The following TSR1 variants were observed in gnomAD, a reference collection of about 807,000 sequenced individuals.
TSR1 encodes pre-rRNA-processing protein TSR1 homolog.
TSR1 carries 81 observed loss-of-function variants against 90.9 expected under a neutral mutation model. The observed-to-expected ratio is 0.89, with a 90% confidence interval of 0.74 to 1.07. TSR1 has a LOEUF of 1.07. TSR1 is among the 50% of genes least tolerant of loss of function. The pLI is 0.00. For missense variants in TSR1, 989 were observed against 987.3 expected (o/e 1.00, Z -0.02); for synonymous variants, 362 against 348.8 (o/e 1.04, Z -0.42).
At position 2,323,493 on chromosome 17, in the gene TSR1, C is replaced by T; in HGVS notation, c.*703G>A. 8.7e-7 allele frequency: 1 copy of T among 1,146,546 alleles called. No individual in the cohort carries two copies. The highest frequency in any genetic ancestry group is 1.2e-6 in the Non-Finnish European group (1 of 803,118). The allele number at this position is 1,146,546 out of a possible 1,614,324, so 71.0% of individuals were successfully genotyped here. On this transcript the variant is annotated 3_prime_UTR_variant, in exon 15 of 15. Transcript: ENST00000301364. Reference sequence around the variant, plus strand: ...GGTACCCTAGATGTATTAATGACAACCCTCTTGACAGAAGCAGAGTCAGAA... The same window carrying T: ...GGTACCCTAGATGTATTAATGACAATCCTCTTGACAGAAGCAGAGTCAGAA...
intron 4 of TSR1, 123 bp downstream of exon 4, chr17:2,335,137 T>G: frequency 8.5e-7 from 1 of 1,171,708 alleles, no homozygotes; most frequent in Non-Finnish European, 1.2e-6. Context: ...ATGGATCAAG[T>G]TTAATCCATA....
rs775481749 is a variant in TSR1 at position 2,324,165 on chromosome 17, G to A, written c.*31C>T. On this transcript the variant is annotated 3_prime_UTR_variant, in exon 15 of 15. Transcript: ENST00000301364. ...CCTCCCATCCCTGGAGTACTGACTG[G>A]CACCGGTAAGACAGAATCTCTTTGA... The A allele has an allele frequency of 2.0e-6, 3 of 1,510,914 alleles. No individual in the cohort carries two copies. The highest frequency in any genetic ancestry group is 2.8e-5 in the African/African-American group (2 of 71,570). 93.6% of individuals were successfully genotyped at this position (1,510,914 alleles called of 1,614,324 possible). A position where few individuals can be genotyped will look rare whatever the true frequency, so the allele number is the denominator to read the frequency against.
intron 4 of TSR1, 68 bp downstream of exon 4, chr17:2,335,192 T>A (rs1459109575): frequency 2.0e-6 from 3 of 1,497,832 alleles, no homozygotes; most frequent in Non-Finnish European, 2.7e-6. Flanking sequence ...TCAGTTGTAT[T>A]CCTGTATCAA....
intron 11 of TSR1, among the ~76,000 whole-genome samples, chr17:2,328,072 G>A (rs559579959): frequency 4.6e-5 from 7 of 151,152 alleles, no homozygotes; most frequent in Non-Finnish European, 1.0e-4. Flanking sequence ...GTGAAACCCC[G>A]TCTCTACTAA....
At position 2,324,165 on chromosome 17, in the gene TSR1, G is replaced by C; in HGVS notation, c.*31C>G. 1 of 1,511,032 alleles carries C rather than the reference G, an allele frequency of 6.6e-7. No individual in the cohort carries two copies. The allele number at this position is 1,511,032 out of a possible 1,614,324, so 93.6% of individuals were successfully genotyped here. ...CCTCCCATCCCTGGAGTACTGACTG[G>C]CACCGGTAAGACAGAATCTCTTTGA... On this transcript the variant is annotated 3_prime_UTR_variant, in exon 15 of 15. Transcript: ENST00000301364.
rs746688280 is a variant in TSR1, at chr17:2,324,570, G to A, written c.2170C>T (p.Leu724=). Residue 724 remains leucine, a synonymous_variant, in exon 14 of 15, where the codon CTG becomes TTG. Transcript: ENST00000301364. The part of the protein sequence containing the change: ...RYMFFNREDV[L]WFKPVELRTK... ...CTCAGTTCCACTGGTTTAAACCACA[G>A]CACATCCTCTTAGAATCAAACACAT... 4 of 1,614,096 alleles carry A rather than the reference G, an allele frequency of 2.5e-6. No individual in the cohort carries two copies. The highest frequency in any genetic ancestry group is 1.1e-5 in the South Asian group (1 of 91,080).
At chr17:2,332,431 G>C in intron 7 of TSR1, 72 bp from the exon 8 acceptor site, 1 of 1,316,234 alleles carries the variant, frequency 7.6e-7, no homozygotes, top group Non-Finnish European at 1.0e-6. Flanking sequence ...AATAAGCTAA[G>C]AGTAAAATAA....
At chr17:2,332,035 A>G (rs1042507645) in intron 8 of TSR1, 134 bp downstream of exon 8, 1 of 924,478 alleles carries the variant, frequency 1.1e-6, no homozygotes, top group Non-Finnish European at 1.6e-6. Flanking sequence ...CTGCCTTCCC[A>G]TATTAAATGT....
chr17:2,323,324 T>C lies in TSR1; in HGVS notation c.*872A>G. The C allele has an allele frequency of 6.2e-7, 1 of 1,614,030 alleles. No individual in the cohort carries two copies. The highest frequency in any genetic ancestry group is 8.5e-7 in the Non-Finnish European group (1 of 1,179,906). ...GGGACCTTGTGGATGATATCTTCAC[T>C]GTCACAGAGGATGAAATTAAGGTGA... On this transcript the variant is annotated 3_prime_UTR_variant, in exon 15 of 15. Transcript: ENST00000301364.
chr17:2,326,203 C>G (rs548331162), intron 11 of TSR1, among the ~76,000 whole-genome samples: 4 of 151,974 alleles, frequency 2.6e-5, no homozygotes, highest in African/African-American at 9.7e-5. Context: ...TATTTTAAGG[C>G]AAAGAAAAAT....
In TSR1 at chr17:2,336,151, G is replaced by C. The variant is rs940770535; in HGVS notation, c.98-11C>G. 3 of 1,613,324 alleles carry C rather than the reference G, an allele frequency of 1.9e-6. No individual in the cohort carries two copies. Among genetic ancestry groups the C allele is most frequent in the Non-Finnish European group, 2.5e-6 (3 of 1,179,340 alleles). Reference sequence around the variant, plus strand: ...TCAGTGCCAGACGGCCTGAATGGCAGATTAGAAGGGGCTGGTGTGATCGGC... The same window carrying C: ...TCAGTGCCAGACGGCCTGAATGGCACATTAGAAGGGGCTGGTGTGATCGGC... On this transcript the variant is annotated splice_polypyrimidine_tract_variant and intron_variant, in intron 1 of 14. Transcript: ENST00000301364.
chr17:2,335,273 G>T lies in TSR1; in HGVS notation c.543C>A (p.Gly181=). The T allele has an allele frequency of 6.2e-7, 1 of 1,613,670 alleles. No individual in the cohort carries two copies. Among genetic ancestry groups the T allele is most frequent in the Non-Finnish European group, 8.5e-7 (1 of 1,179,882 alleles). ...TAACTCACTTACTATAGGTCGGAAG[G>T]CCCTGAGCAAAGAGGCAGGAAAGAC... ...DYCLSCLFAQ[G]LPTYTLAVQG... The change falls in exon 4 of 15, where the codon GGC becomes GGA. Residue 181 remains glycine (G), a synonymous_variant. Transcript: ENST00000301364.
In TSR1 at chr17:2,333,537, A is replaced by C. The variant is rs945970894; in HGVS notation, c.1141+20T>G. The C allele has an allele frequency of 9.3e-6, 15 of 1,613,742 alleles. No individual in the cohort carries two copies. Among genetic ancestry groups the C allele is most frequent in the Middle Eastern group, 1.6e-4 (1 of 6,076 alleles). On this transcript the variant is annotated intron_variant, in intron 6 of 14. Coordinates refer to ENST00000301364, the MANE Select transcript of TSR1 (RefSeq NM_018128.5). The stretch of plus-strand genomic sequence containing the variant: ...CAATTCCAGGTCAGATGAATTACAG[A>C]CAAGTTTACCAATACTGACCCTTTG...
At chr17:2,324,623 C>A in intron 13 of TSR1, 45 bp from the exon 14 acceptor site, 1 of 1,613,988 alleles carries the variant, frequency 6.2e-7, no homozygotes, top group Non-Finnish European at 8.5e-7. Flanking sequence ...CATTTACCCA[C>A]AAAATGTAAA....
At position 2,323,838 on chromosome 17, in the gene TSR1, G is replaced by T; in HGVS notation, c.*358C>A. ...CTCCATAACTTGGGTGAAGCAGGCT[G>T]AAAGGCCAGCTTCTTATCAGTCTGT... is the stretch of plus-strand genomic sequence containing the variant. On this transcript the variant is annotated 3_prime_UTR_variant, in exon 15 of 15. Coordinates refer to ENST00000301364, the MANE Select transcript of TSR1 (RefSeq NM_018128.5). The T allele has an allele frequency of 6.2e-7, 1 of 1,614,180 alleles. No homozygotes were observed. Among genetic ancestry groups the T allele is most frequent in the Non-Finnish European group, 8.5e-7 (1 of 1,180,036 alleles).
chr17:2,324,676 C>T lies in TSR1; in HGVS notation c.2161+13G>A. The T allele has an allele frequency of 6.2e-7, 1 of 1,614,068 alleles. No individual in the cohort carries two copies. Among genetic ancestry groups the T allele is most frequent in the Admixed American group, 1.7e-5 (1 of 60,022 alleles). On this transcript the variant is annotated intron_variant, in intron 13 of 14. Coordinates refer to ENST00000301364, the MANE Select transcript of TSR1 (RefSeq NM_018128.5). ...AAAGGCAATCAGATCCCATCCTCCT[C>T]CTTCATACCCACCTCTGTTGAAGAA...
At position 2,324,669 on chromosome 17, in the gene TSR1, T is replaced by C; in HGVS notation, c.2161+20A>G. 1 of 1,614,010 alleles carries C rather than the reference T, an allele frequency of 6.2e-7. No individual in the cohort carries two copies. Among genetic ancestry groups the C allele is most frequent in the East Asian group, 2.2e-5 (1 of 44,882 alleles). On this transcript the variant is annotated intron_variant, in intron 13 of 14. Transcript: ENST00000301364. ...ATACCACAAAGGCAATCAGATCCCATCCTCCTCCTTCATACCCACCTCTGT... is the reference window on the plus strand; with the variant it reads ...ATACCACAAAGGCAATCAGATCCCACCCTCCTCCTTCATACCCACCTCTGT...
In TSR1 at chr17:2,323,436, G is replaced by A; in HGVS notation, c.*760C>T. 1 of 1,453,830 alleles carries A rather than the reference G, an allele frequency of 6.9e-7. No individual in the cohort carries two copies. Among genetic ancestry groups the A allele is most frequent in the Non-Finnish European group, 9.5e-7 (1 of 1,047,570 alleles). The allele number at this position is 1,453,830 out of a possible 1,614,324, so 90.1% of individuals were successfully genotyped here. On this transcript the variant is annotated 3_prime_UTR_variant, in exon 15 of 15. Coordinates refer to ENST00000301364, the MANE Select transcript of TSR1 (RefSeq NM_018128.5). ...CTTAGGAGTAGCAAGTGACCCACGG[G>A]AACCTGACTAGGTAACTTCATGACA... is the stretch of plus-strand genomic sequence containing the variant.
chr17:2,332,505 G>C, intron 7 of TSR1, 146 bp from the exon 8 acceptor site: 1 of 739,790 alleles, frequency 1.4e-6, no homozygotes, highest in South Asian at 2.3e-5. Context: ...TAAAACAAAA[G>C]CCTCATTCCT....
Sources: allele counts gnomAD v4.1 joint callset (sites outside exome capture counted in the v4.1 genomes callset), GRCh38; gene constraint gnomAD v4.1.1; transcripts MANE v1.5; gene names NCBI Gene and HGNC (gene_info 2026-07-23, HGNC 2026-07-21).